KCNH7: variants seen among roughly 807,000 people sequenced by gnomAD.
KCNH7 encodes the protein potassium voltage-gated channel subfamily H member 7, also known as voltage-gated inwardly rectifying potassium channel KCNH7.
In KCNH7, 49 loss-of-function variants were observed where a neutral mutation model predicts 120.8. That is an observed-to-expected ratio of 0.41 (90% CI 0.32 to 0.51). The LOEUF is 0.51. Ranked by LOEUF, KCNH7 falls within the 20% of genes least tolerant of loss-of-function variation. KCNH7 has a pLI of 0.38. For missense variants in KCNH7, 1,097 were observed against 1,446.6 expected (o/e 0.76, Z 3.92); for synonymous variants, 547 against 516.1 (o/e 1.06, Z -0.81).
At chr2:162,484,170 A>G (rs1690015675) in intron 6 of KCNH7, among the ~76,000 whole-genome samples, 1 of 152,002 alleles carries the variant, frequency 6.6e-6, no homozygotes, top group African/African-American at 2.4e-5. Flanking sequence ...AAATAGCAGA[A>G]CTAGACCAAA....
chr2:162,480,879 C>T lies in KCNH7; in HGVS notation c.1128+23564G>A, dbSNP rs570728088. ...GGAAAAAGGAGGATGGTTAAGAGAT[C>T]GGAGCTGTCTCATGCTACTCTTCCC... On this transcript the variant is annotated intron_variant, in intron 6 of 15. Coordinates refer to ENST00000332142, the MANE Select transcript of KCNH7 (RefSeq NM_033272.4). Among the ~76,000 whole-genome samples the T allele has an allele frequency of 6.6e-5, 10 of 152,170 alleles. No individual in the cohort carries two copies. The South Asian group carries it at 2.1e-3, about 32-fold the overall frequency.
intron 7 of KCNH7, among the ~76,000 whole-genome samples, chr2:162,440,768 T>C (rs1200306448): frequency 1.3e-5 from 2 of 152,128 alleles, no homozygotes; most frequent in African/African-American, 2.4e-5. Context: ...TTTATTTTTG[T>C]TTTGTTTTAT....
intron 2 of KCNH7, among the ~76,000 whole-genome samples, chr2:162,679,116 C>T (rs575960069): frequency 4.0e-5 from 6 of 151,672 alleles, no homozygotes; most frequent in Admixed American, 2.6e-4. Context: ...ATTTCAGAAA[C>T]AGAGTGACTC....
At chr2:162,407,789 C>G (rs1309592861) in intron 9 of KCNH7, among the ~76,000 whole-genome samples, 3 of 151,884 alleles carry the variant, frequency 2.0e-5, no homozygotes, top group East Asian at 3.9e-4. Flanking sequence ...AATAGTTCTT[C>G]CCAAATGGAT....
chr2:162,838,382 G>A, intron 1 of KCNH7, 61 bp downstream of exon 1: 1 of 1,404,460 alleles, frequency 7.1e-7, no homozygotes, highest in Non-Finnish European at 1.0e-6. Flanking sequence ...GGAAGCGGTG[G>A]ACGCCAAGTG....
intron 12 of KCNH7, among the ~76,000 whole-genome samples, chr2:162,392,003 G>A (rs1418341225): frequency 2.6e-5 from 4 of 151,908 alleles, no homozygotes; most frequent in Non-Finnish European, 5.9e-5. Context: ...GTCAGCCAGA[G>A]GAATCAATAA....
At chr2:162,450,995 A>G (rs1048153382) in intron 6 of KCNH7, among the ~76,000 whole-genome samples, 32 of 152,058 alleles carry the variant, frequency 2.1e-4, no homozygotes, top group African/African-American at 5.3e-4. Context: ...AATAATAGCA[A>G]ATCTTATTAG....
intron 12 of KCNH7, among the ~76,000 whole-genome samples, chr2:162,388,942 A>G (rs921126024): frequency 6.6e-6 from 1 of 152,008 alleles, no homozygotes; most frequent in Non-Finnish European, 1.5e-5. Flanking sequence ...TAATAAAATT[A>G]TATGGCTAGG....
At chr2:162,697,562 G>C (rs1266189586) in intron 2 of KCNH7, among the ~76,000 whole-genome samples, 2 of 152,038 alleles carry the variant, frequency 1.3e-5, no homozygotes, top group Non-Finnish European at 2.9e-5. Flanking sequence ...TTGTGGGCAG[G>C]AAAGAGAAGG....
intron 2 of KCNH7, among the ~76,000 whole-genome samples, chr2:162,707,816 A>G (rs1237626305): frequency 4.6e-5 from 7 of 151,834 alleles, no homozygotes; most frequent in Admixed American, 4.6e-4. Flanking sequence ...GGCCAGACTG[A>G]CCTCCTGGTG....
chr2:162,753,076 T>C (rs1688661891), intron 2 of KCNH7, among the ~76,000 whole-genome samples: 1 of 150,774 alleles, frequency 6.6e-6, no homozygotes, highest in African/African-American at 2.4e-5. Context: ...CTAAAGAAAA[T>C]ATTTGAACTT....
intron 2 of KCNH7, among the ~76,000 whole-genome samples, chr2:162,566,487 A>G (rs1693261495): frequency 1.3e-5 from 2 of 152,070 alleles, no homozygotes. Flanking sequence ...TGCTTAAATC[A>G]AGTGAGTTGT....
intron 3 of KCNH7, among the ~76,000 whole-genome samples, chr2:162,522,535 T>A: frequency 6.6e-6 from 1 of 152,050 alleles, no homozygotes; most frequent in Admixed American, 6.5e-5. Flanking sequence ...CTTTCAGGCA[T>A]GAAATATAAA....
chr2:162,432,969 G>A (rs932760556), intron 8 of KCNH7, among the ~76,000 whole-genome samples: 4 of 152,076 alleles, frequency 2.6e-5, no homozygotes, highest in African/African-American at 9.6e-5. Context: ...GAATCAATGT[G>A]CAAAAATTAG....
chr2:162,835,205 T>A (rs10180917), intron 2 of KCNH7, among the ~76,000 whole-genome samples: 91,181 of 151,882 alleles, frequency 0.6, 28,372 homozygotes, highest in South Asian at 0.84. Flanking sequence ...ATACGTATAC[T>A]ATTGCTTTCA....
chr2:162,410,385 T>C (rs1394132441), intron 9 of KCNH7, among the ~76,000 whole-genome samples: 2 of 151,948 alleles, frequency 1.3e-5, no homozygotes, highest in Non-Finnish European at 2.9e-5. Flanking sequence ...ATGCAGAAGA[T>C]TGAAACTGGA....
At chr2:162,466,660 T>A (rs1689315396) in intron 6 of KCNH7, among the ~76,000 whole-genome samples, 1 of 152,224 alleles carries the variant, frequency 6.6e-6, no homozygotes, top group South Asian at 2.1e-4. Context: ...CCAAGTGCCA[T>A]CTGAGGCTGC....
intron 2 of KCNH7, among the ~76,000 whole-genome samples, chr2:162,686,979 G>T (rs933217263): frequency 2.6e-5 from 4 of 152,094 alleles, no homozygotes; most frequent in African/African-American, 9.7e-5. Flanking sequence ...AGGAGTTGTG[G>T]CTGCTAACAG....
At chr2:162,524,209 G>A (rs896270013) in intron 3 of KCNH7, among the ~76,000 whole-genome samples, 6 of 151,978 alleles carry the variant, frequency 3.9e-5, no homozygotes, top group Admixed American at 1.3e-4. Context: ...CTGAAGCATC[G>A]GCCAGTCCTC....
Sources: allele counts gnomAD v4.1 joint callset (sites outside exome capture counted in the v4.1 genomes callset), GRCh38; gene constraint gnomAD v4.1.1; transcripts MANE v1.5; gene names NCBI Gene and HGNC (gene_info 2026-07-23, HGNC 2026-07-21).